YWHAE: variants seen among roughly 807,000 people sequenced by gnomAD.
YWHAE encodes the protein tyrosine 3-monooxygenase/tryptophan 5-monooxygenase activation protein epsilon, also known as 14-3-3 protein epsilon.
In YWHAE, 4 loss-of-function variants were observed where a neutral mutation model predicts 30.1. That is an observed-to-expected ratio of 0.13 (90% CI 0.07 to 0.30). The LOEUF (loss-of-function observed/expected upper bound fraction) is 0.30. Ranked by LOEUF, YWHAE falls within the 10% of genes least tolerant of loss-of-function variation. The pLI is 1.00. For synonymous variants in YWHAE, 118 were observed against 111.8 expected, an observed-to-expected ratio of 1.06 and a Z score of -0.35; for missense variants, 121 against 315.9, an observed-to-expected ratio of 0.38 and a Z score of 4.68.
At chr17:1,394,698 G>A (rs1256713861) in intron 1 of YWHAE, among the ~76,000 whole-genome samples, 4 of 152,032 alleles carry the variant, frequency 2.6e-5, no homozygotes, top group Non-Finnish European at 4.4e-5. Context: ...CAGGTACAGT[G>A]GCTCATACCT....
intron 1 of YWHAE, among the ~76,000 whole-genome samples, chr17:1,373,721 G>T (rs1001879203): frequency 6.6e-6 from 1 of 151,908 alleles, no homozygotes; most frequent in African/African-American, 2.4e-5. Context: ...AATGTGAACA[G>T]AGACAAGAAG....
In YWHAE at chr17:1,345,264, CCTTTAAGAA is replaced by C. The variant is rs1567950291; in HGVS notation, c.*174_*182del. ...TAAAATCCACAGAAATTCACTCTTG[CCTTTAAGAA>C]CTTTTGAAAACTGTTTAAAAAAAAA... On this transcript the variant is annotated 3_prime_UTR_variant, in exon 6 of 6. Coordinates refer to ENST00000264335, the MANE Select transcript of YWHAE (RefSeq NM_006761.5). 2 of 603,888 alleles carry C rather than the reference CCTTTAAGAA, an allele frequency of 3.3e-6. No homozygotes were observed. The highest frequency in any genetic ancestry group is 6.4e-5 in the Admixed American group (2 of 31,240). The allele number at this position is 603,888 out of a possible 1,614,324, so 37.4% of individuals were successfully genotyped here. A position where few individuals can be genotyped will look rare whatever the true frequency, so the allele number is the denominator to read the frequency against.
chr17:1,370,500 G>A lies in YWHAE; in HGVS notation c.65-5442C>T, dbSNP rs138844965. ...GTAGCCCAGGCAGTGGCACAATCTC[G>A]GCTCACTGCAGCCTCTGCCTCCAGG... On this transcript the variant is annotated intron_variant, in intron 1 of 5. Coordinates refer to ENST00000264335, the MANE Select transcript of YWHAE (RefSeq NM_006761.5). Among the ~76,000 whole-genome samples, 616 of 151,746 alleles carry A rather than the reference G, an allele frequency of 4.1e-3. 2 individuals are homozygous for A. The highest frequency in any genetic ancestry group is 0.013 in the African/African-American group (557 of 41,390).
intron 5 of YWHAE, 124 bp from the exon 6 acceptor site, chr17:1,345,623 G>A: frequency 9.3e-6 from 9 of 962,628 alleles, no homozygotes; most frequent in Non-Finnish European, 1.4e-5. Context: ...ATTAAACGCA[G>A]GCAAAGGACT....
At chr17:1,366,491 C>A (rs1008634196) in intron 1 of YWHAE, among the ~76,000 whole-genome samples, 1 of 151,782 alleles carries the variant, frequency 6.6e-6, no homozygotes, top group Non-Finnish European at 1.5e-5. Context: ...CTGAGATCGC[C>A]CCACTGTATG....
chr17:1,380,378 C>T (rs924737163), intron 1 of YWHAE, among the ~76,000 whole-genome samples: 1 of 152,112 alleles, frequency 6.6e-6, no homozygotes, highest in Non-Finnish European at 1.5e-5. Flanking sequence ...TTCCAAAGTG[C>T]GTGAGCCACC....
At chr17:1,356,684 C>T (rs1598231809) in intron 4 of YWHAE, among the ~76,000 whole-genome samples, 1 of 152,098 alleles carries the variant, frequency 6.6e-6, no homozygotes. Flanking sequence ...ATTGGCTGGG[C>T]GCAGTGGCTC....
chr17:1,398,317 T>A (rs538226046), intron 1 of YWHAE, among the ~76,000 whole-genome samples: 1 of 126,692 alleles, frequency 7.9e-6, no homozygotes, highest in Admixed American at 9.5e-5. Flanking sequence ...GACCTTGAGC[T>A]GTACTTCCCC....
intron 4 of YWHAE, among the ~76,000 whole-genome samples, chr17:1,359,963 A>G (rs1598237349): frequency 2.3e-5 from 3 of 130,224 alleles, no homozygotes; most frequent in Non-Finnish European, 3.3e-5. Flanking sequence ...AGAGGGGGAG[A>G]GAGAGAGAGA....
At chr17:1,386,889 G>A (rs2073308204) in intron 1 of YWHAE, among the ~76,000 whole-genome samples, 1 of 152,022 alleles carries the variant, frequency 6.6e-6, no homozygotes, top group African/African-American at 2.4e-5. Context: ...AGGAGGTGGA[G>A]GCTGCAGTGA....
Position 1,396,080 on chromosome 17 carries a change from T to C in YWHAE, c.64+3967A>G, listed in dbSNP as rs1479559969. ...GTTGCAGTGAGCCGAGATCGCGCTA[T>C]TGCACTACAGCCTGGGCGACAAGAG... On this transcript the variant is annotated intron_variant, in intron 1 of 5. Transcript: ENST00000264335. 9.3e-5 allele frequency among the ~76,000 whole-genome samples: 14 copies of C among 150,184 alleles called. No homozygotes were observed. In the South Asian group the frequency reaches 1.9e-3, roughly 20 times the overall value.
chr17:1,389,577 C>T (rs2073358581), intron 1 of YWHAE, among the ~76,000 whole-genome samples: 1 of 150,074 alleles, frequency 6.7e-6, no homozygotes, highest in South Asian at 2.1e-4. Context: ...GTTGCCCAGG[C>T]TGGAGTGCAG....
chr17:1,392,188 A>AAAAAAG (rs886867251), intron 1 of YWHAE, among the ~76,000 whole-genome samples: 1 of 152,060 alleles, frequency 6.6e-6, no homozygotes, highest in South Asian at 2.1e-4. Flanking sequence ...TTGTCTCGGG[A>AAAAAAG]AAAAAGAAAA....
At position 1,400,127 on chromosome 17, in the gene YWHAE, G is replaced by T. The variant is rs762329156; in HGVS notation, c.-17C>A. ...ATCATCCATAGCGGCAGCGGCTCCG[G>T]CAGGGTCTGCGCGACGGATGGAAGC... On this transcript the variant is annotated 5_prime_UTR_variant, in exon 1 of 6. Coordinates refer to ENST00000264335, the MANE Select transcript of YWHAE (RefSeq NM_006761.5). The T allele has an allele frequency of 1.9e-6, 3 of 1,613,876 alleles. No homozygotes were observed. Among genetic ancestry groups the T allele is most frequent in the South Asian group, 2.2e-5 (2 of 91,090 alleles).
At chr17:1,368,993 C>A (rs2072989267) in intron 1 of YWHAE, among the ~76,000 whole-genome samples, 1 of 152,142 alleles carries the variant, frequency 6.6e-6, no homozygotes, top group South Asian at 2.1e-4. Context: ...AAATTTTCAA[C>A]AACGAAGACT....
At chr17:1,346,492 A>C (rs1372390450) in intron 5 of YWHAE, among the ~76,000 whole-genome samples, 1 of 152,182 alleles carries the variant, frequency 6.6e-6, no homozygotes, top group African/African-American at 2.4e-5. Flanking sequence ...AATAACACCA[A>C]ACTAGCTGCC....
chr17:1,376,979 T>C (rs1056919040), intron 1 of YWHAE, among the ~76,000 whole-genome samples: 1 of 150,718 alleles, frequency 6.6e-6, no homozygotes. Context: ...CAGGCTGAAG[T>C]GCAATCTCAC....
chr17:1,371,421 G>A (rs937257588), intron 1 of YWHAE, among the ~76,000 whole-genome samples: 4 of 151,868 alleles, frequency 2.6e-5, no homozygotes, highest in Admixed American at 1.3e-4. Context: ...ACATTGAAGG[G>A]AATTTTTTTT....
intron 5 of YWHAE, among the ~76,000 whole-genome samples, chr17:1,352,977 A>G (rs73288534): frequency 0.078 from 11,923 of 152,192 alleles, 1,448 homozygotes; most frequent in African/African-American, 0.26. Flanking sequence ...CTGTTCAACA[A>G]TCTACCATGG....
Sources: gnomAD v4.1 joint callset for allele counts (sites outside exome capture counted in the v4.1 genomes callset) on GRCh38, gnomAD v4.1.1 for gene constraint, MANE v1.5 for transcripts, NCBI Gene and HGNC (gene_info 2026-07-23, HGNC 2026-07-21) for gene names.